STK32A: variants seen among roughly 807,000 people sequenced by gnomAD.
STK32A encodes serine/threonine-protein kinase 32A.
A neutral mutation model predicts 53.2 loss-of-function variants in STK32A; 41 were observed. The observed-to-expected ratio is 0.77, with a 90% CI of 0.60 to 1.00. The LOEUF (loss-of-function observed/expected upper bound fraction) is 1.00, where lower values mean the gene tolerates loss of function less well. STK32A is among the 50% of genes least tolerant of loss of function. The pLI is 0.00. For missense variants in STK32A, 458 were observed against 485.8 expected, an observed-to-expected ratio of 0.94 and a Z score of 0.54; for synonymous variants, 166 against 162.8, an observed-to-expected ratio of 1.02 and a Z score of -0.15.
intron 2 of STK32A, among the ~76,000 whole-genome samples, chr5:147,265,693 T>C (rs1432649): frequency 0.3 from 44,978 of 151,746 alleles, 7,025 homozygotes; most frequent in African/African-American, 0.36. Flanking sequence ...AAGTCCTGGG[T>C]ACACAGATAC....
Position 147,317,473 on chromosome 5 carries a change from G to A in STK32A, c.261-6425G>A, listed in dbSNP as rs1754061744. On this transcript the variant is annotated intron_variant, in intron 4 of 12. Coordinates refer to ENST00000397936, the MANE Select transcript of STK32A (RefSeq NM_001112724.2). ...CTCCTGAGTAGCTGAGATTATAGGT[G>A]CGCGCCACCATGCCCAGCTAATTTT... Among the ~76,000 whole-genome samples, 7 of 151,598 alleles carry A rather than the reference G, an allele frequency of 4.6e-5. No homozygotes were observed. The South Asian group carries it at 1.3e-3, about 27-fold the overall frequency.
intron 4 of STK32A, among the ~76,000 whole-genome samples, chr5:147,300,492 C>A (rs1400728904): frequency 6.6e-6 from 1 of 152,202 alleles, no homozygotes; most frequent in Non-Finnish European, 1.5e-5. Flanking sequence ...TTATCACTGC[C>A]TCATTCCCCA....
intron 4 of STK32A, among the ~76,000 whole-genome samples, chr5:147,303,583 A>T (rs1753246347): frequency 6.6e-6 from 1 of 152,228 alleles, no homozygotes; most frequent in African/African-American, 2.4e-5. Flanking sequence ...GGCAAAGTCA[A>T]CATTGCAAAA....
intron 4 of STK32A, among the ~76,000 whole-genome samples, chr5:147,291,834 A>T (rs1752613466): frequency 6.6e-6 from 1 of 152,236 alleles, no homozygotes; most frequent in African/African-American, 2.4e-5. Context: ...TATCAGGACC[A>T]ACATACTTGT....
chr5:147,261,586 G>A (rs1345447868), intron 2 of STK32A, among the ~76,000 whole-genome samples: 4 of 152,108 alleles, frequency 2.6e-5, no homozygotes, highest in Non-Finnish European at 5.9e-5. Flanking sequence ...TGCTTTACGA[G>A]GAAGTTAAAT....
intron 4 of STK32A, among the ~76,000 whole-genome samples, chr5:147,288,107 C>T (rs1409142149): frequency 6.6e-6 from 1 of 152,146 alleles, no homozygotes; most frequent in Non-Finnish European, 1.5e-5. Context: ...CTATTCTTTC[C>T]TTCTCACTTC....
chr5:147,362,009 C>A (rs931563309), intron 8 of STK32A, among the ~76,000 whole-genome samples: 2 of 152,184 alleles, frequency 1.3e-5, no homozygotes, highest in Non-Finnish European at 2.9e-5. Flanking sequence ...TAATACAACA[C>A]AATTCATGCT....
At chr5:147,339,715 A>C (rs1681358189) in intron 5 of STK32A, among the ~76,000 whole-genome samples, 1 of 152,248 alleles carries the variant, frequency 6.6e-6, no homozygotes, top group Non-Finnish European at 1.5e-5. Flanking sequence ...CCTGGATGTG[A>C]GACATGGAGT....
intron 2 of STK32A, among the ~76,000 whole-genome samples, chr5:147,262,343 T>A (rs1020696611): frequency 6.6e-6 from 1 of 152,136 alleles, no homozygotes; most frequent in Non-Finnish European, 1.5e-5. Context: ...CTTATTTGAA[T>A]GAGAATATAT....
chr5:147,395,994 AG>A, the STK32A span, among the ~76,000 whole-genome samples: 2 of 152,100 alleles, frequency 1.3e-5, no homozygotes, highest in Admixed American at 6.5e-5. Context: ...GGGTTGCCAG[AG>A]GGAGGAGGTT....
chr5:147,399,365 C>T, the STK32A span: 1 of 1,270,808 alleles, frequency 7.9e-7, no homozygotes, highest in Non-Finnish European at 1.1e-6. Context: ...AAAAAGGAGC[C>T]ACCTGAAAAG....
chr5:147,270,146 A>G (rs1471777623), intron 2 of STK32A, among the ~76,000 whole-genome samples: 2 of 152,342 alleles, frequency 1.3e-5, no homozygotes, highest in East Asian at 3.9e-4. Context: ...TATAAAAATC[A>G]CAAACCCAGA....
chr5:147,397,999 G>T, the STK32A span, among the ~76,000 whole-genome samples: 3 of 152,156 alleles, frequency 2.0e-5, no homozygotes, highest in Non-Finnish European at 4.4e-5. Context: ...TGGGTAGAAG[G>T]CACCGGAGAC....
At chr5:147,383,392 A>G (rs1295621569) in intron 11 of STK32A, 49 bp from the exon 12 acceptor site, 16 of 1,482,174 alleles carry the variant, frequency 1.1e-5, no homozygotes, top group Non-Finnish European at 1.4e-5. Context: ...GAAGATTCTC[A>G]TTTGTCTGCT....
chr5:147,370,047 G>T (rs981728853), intron 8 of STK32A, among the ~76,000 whole-genome samples: 47 of 152,122 alleles, frequency 3.1e-4, no homozygotes, highest in African/African-American at 9.6e-4. Flanking sequence ...TAAAACTGTA[G>T]AAGAACCTGG....
chr5:147,399,156 C>T, the STK32A span: 1 of 1,614,242 alleles, frequency 6.2e-7, no homozygotes. Flanking sequence ...TCAGAACCCA[C>T]AGATATTCTT....
chr5:147,387,892 G>A, downstream of STK32A: 1 of 152,156 alleles, frequency 6.6e-6, no homozygotes, highest in Non-Finnish European at 1.5e-5. Context: ...GTGTGTGTAT[G>A]TGTGTGTGTG....
At position 147,373,096 on chromosome 5, in the gene STK32A, G is replaced by C. The variant is rs1040486459; in HGVS notation, c.778-73G>C. ...TCAGTCCTACAGTTGAAAGCATTTA[G>C]AGGGAATTTGTATGATTTTTTTTTG... is the stretch of plus-strand genomic sequence containing the variant. On this transcript the variant is annotated intron_variant, in intron 9 of 12. Transcript: ENST00000397936. 9.1e-5 allele frequency: 144 copies of C among 1,585,298 alleles called. No individual in the cohort carries two copies. In the African/African-American group the frequency reaches 1.8e-3, roughly 20 times the overall value.
At chr5:147,236,333 T>C (rs182445848) in intron 1 of STK32A, among the ~76,000 whole-genome samples, 58 of 152,294 alleles carry the variant, frequency 3.8e-4, no homozygotes, top group Non-Finnish European at 7.2e-4. Context: ...CTTTGGATTT[T>C]CATTTTCATG....
Sources: gnomAD v4.1 joint callset for allele counts (sites outside exome capture counted in the v4.1 genomes callset) on GRCh38, gnomAD v4.1.1 for gene constraint, MANE v1.5 for transcripts, NCBI Gene and HGNC (gene_info 2026-07-23, HGNC 2026-07-21) for gene names.